Variants in MSX1 observed in about 807,000 individuals in gnomAD.
MSX1 encodes the protein msh homeobox 1.
Under a neutral mutation model 17.0 loss-of-function variants are expected in MSX1, and 11 were observed. The ratio of observed to expected loss-of-function variants is 0.65; its 90% CI spans 0.41 to 1.07. MSX1 has a LOEUF of 1.07. MSX1 is among the 50% of genes least tolerant of loss of function. The pLI is 0.00. For missense variants in MSX1, 477 were observed against 440.1 expected, an observed-to-expected ratio of 1.08 and a Z score of -0.75; for synonymous variants, 253 against 211.8, an observed-to-expected ratio of 1.19 and a Z score of -1.69.
Position 4,860,187 on chromosome 4 carries a change from G to A in MSX1, c.288G>A (p.Leu96=), listed in dbSNP as rs778020930. The change falls in exon 1 of 2, where the codon CTG becomes CTA. Residue 96 remains leucine (L), a synonymous_variant. Transcript: ENST00000382723. ...VQAAGGSAQP[L]GVPPGSLGAP... is the part of the protein sequence containing the mutation. ...CGGCGGGTGGCTCGGCGCAGCCACT[G>A]GGCGTCCCGCCGGGGTCGCTGGGAG... 5 of 1,517,106 alleles carry A rather than the reference G, an allele frequency of 3.3e-6. No homozygotes were observed. The South Asian group carries it at 6.1e-5, about 18-fold the overall frequency. 94.0% of individuals were successfully genotyped at this position (1,517,106 alleles called of 1,614,324 possible).
At position 4,860,015 on chromosome 4, in the gene MSX1, C is replaced by A. The variant is rs1016654970; in HGVS notation, c.116C>A (p.Thr39Lys). 1.3e-6 allele frequency: 2 copies of A among 1,501,206 alleles called. No individual in the cohort carries two copies. Among genetic ancestry groups the A allele is most frequent in the African/African-American group, 2.9e-5 (2 of 68,564 alleles). 93.0% of individuals were successfully genotyped at this position (1,501,206 alleles called of 1,614,324 possible). ...CAGGCCCCCAGCGCCGCCGCGGCCA[C>A]GGCAGCCGCCATGGGCGCGGACGAG... The part of the protein sequence containing the change: ...AGQAPSAAAA[T>K]AAAMGADEEG... The change falls in exon 1 of 2, where the codon ACG becomes AAG. Residue 39 changes from threonine (T) to lysine (K), a missense_variant. Physicochemically the swap from Thr to Lys is moderately conservative, Grantham distance 78. Coordinates refer to ENST00000382723, the MANE Select transcript of MSX1 (RefSeq NM_002448.3).
Position 4,863,359 on chromosome 4 carries a change from T to C in MSX1, c.*216T>C, listed in dbSNP as rs1737969513. 1 of 564,330 alleles carries C rather than the reference T, an allele frequency of 1.8e-6. No individual in the cohort carries two copies. Among genetic ancestry groups the C allele is most frequent in the African/African-American group, 1.9e-5 (1 of 52,786 alleles). 35.0% of individuals were successfully genotyped at this position (564,330 alleles called of 1,614,324 possible). On this transcript the variant is annotated 3_prime_UTR_variant, in exon 2 of 2. Coordinates refer to ENST00000382723, the MANE Select transcript of MSX1 (RefSeq NM_002448.3). ...CCTTAGTACTCTTCTAGCATTTAGA[T>C]CTACACTCTCGAGTTAAAGATGGGG...
Position 4,859,970 on chromosome 4 carries a change from C to A in MSX1, c.71C>A (p.Pro24Gln). 6.7e-7 allele frequency: 1 copy of A among 1,490,260 alleles called. No individual in the cohort carries two copies. 92.3% of individuals were successfully genotyped at this position (1,490,260 alleles called of 1,614,324 possible). A position where few individuals can be genotyped will look rare whatever the true frequency, so the allele number is the denominator to read the frequency against. Reference sequence around the variant, plus strand: ...GTGGAGGACTCCGCCTTCGGCAAGCCGGCGGGGGGAGGCGCGGGCCAGGCC... The same window carrying A: ...GTGGAGGACTCCGCCTTCGGCAAGCAGGCGGGGGGAGGCGCGGGCCAGGCC... ...VKVEDSAFGK[P>Q]AGGGAGQAPS... Residue 24 changes from proline to glutamine, a missense_variant, in exon 1 of 2, where the codon CCG becomes CAG. By Grantham distance (76) the Pro-to-Gln change is moderately conservative. This residue lies in a region of MSX1 where 355 missense variants were observed against 306.1 expected (regional missense o/e 1.16). Coordinates refer to ENST00000382723, the MANE Select transcript of MSX1 (RefSeq NM_002448.3).
intron 1 of MSX1, among the ~76,000 whole-genome samples, chr4:4,861,152 G>T (rs1388982891): frequency 1.3e-5 from 2 of 152,260 alleles, no homozygotes; most frequent in Admixed American, 1.3e-4. Flanking sequence ...CGATTATTTT[G>T]CTCGGCATAA....
intron 1 of MSX1, chr4:4,862,406 C>T (rs1737936599): frequency 1.7e-6 from 1 of 601,990 alleles, no homozygotes; most frequent in East Asian, 3.2e-5. Flanking sequence ...GGTGATTTCA[C>T]ATCTTCCCAG....
chr4:4,862,912 A>G lies in MSX1; in HGVS notation c.681A>G (p.Ala227=). 1.2e-6 allele frequency: 2 copies of G among 1,613,590 alleles called. No individual in the cohort carries two copies. Among genetic ancestry groups the G allele is most frequent in the Non-Finnish European group, 1.7e-6 (2 of 1,179,996 alleles). ...KIWFQNRRAK[A]KRLQEAELEK... ...GGTTCCAGAACCGCCGCGCCAAGGC[A>G]AAGAGACTACAAGAGGCAGAGCTGG... Residue 227 remains alanine (A), a synonymous_variant, in exon 2 of 2, where the codon GCA becomes GCG. Coordinates refer to ENST00000382723, the MANE Select transcript of MSX1 (RefSeq NM_002448.3).
In MSX1 at chr4:4,860,196, G is replaced by A. The variant is rs757688467; in HGVS notation, c.297G>A (p.Pro99=). The change falls in exon 1 of 2, where the codon CCG becomes CCA. Residue 99 remains proline (P), a synonymous_variant. Coordinates refer to ENST00000382723, the MANE Select transcript of MSX1 (RefSeq NM_002448.3). The stretch of plus-strand genomic sequence containing the variant: ...GCTCGGCGCAGCCACTGGGCGTCCC[G>A]CCGGGGTCGCTGGGAGCCCCGGACG... ...AGGSAQPLGV[P]PGSLGAPDAP... 5 of 1,522,580 alleles carry A rather than the reference G, an allele frequency of 3.3e-6. No homozygotes were observed. The highest frequency in any genetic ancestry group is 2.6e-6 in the Non-Finnish European group (3 of 1,141,672). The allele number at this position is 1,522,580 out of a possible 1,614,324, so 94.3% of individuals were successfully genotyped here.
chr4:4,862,744 G>A lies in MSX1; in HGVS notation c.513G>A (p.Thr171=), dbSNP rs1405255802. The A allele has an allele frequency of 1.9e-6, 3 of 1,613,264 alleles. No individual in the cohort carries two copies. The highest frequency in any genetic ancestry group is 2.5e-6 in the Non-Finnish European group (3 of 1,180,026). The change falls in exon 2 of 2, where the codon ACG becomes ACA. Residue 171 remains threonine (T), a synonymous_variant. Transcript: ENST00000382723. Reference sequence around the variant, plus strand: ...CCTGCACCCTCCGCAAACACAAGACGAACCGTAAGCCGCGGACGCCCTTCA... The same window carrying A: ...CCTGCACCCTCCGCAAACACAAGACAAACCGTAAGCCGCGGACGCCCTTCA... ...PPACTLRKHK[T]NRKPRTPFTT...
rs104893854 is a variant in MSX1, at chr4:4,860,357, C to T, written c.458C>T (p.Pro153Leu). ...TGGATGCAGAGCCCCCGCTTCTCCC[C>T]GCCGCCGGCCAGTGAGTAGCCAGAA... Reference protein sequence around the residue: ...TPWMQSPRFSPPPARRLSPPA... With the variant: ...TPWMQSPRFSLPPARRLSPPA... The change falls in exon 1 of 2, where the codon CCG becomes CTG. Residue 153 changes from proline (P) to leucine (L), a missense_variant. Pro to Leu is a moderately conservative substitution (Grantham distance 98, BLOSUM62 -3). Transcript: ENST00000382723. 9 of 1,603,698 alleles carry T rather than the reference C, an allele frequency of 5.6e-6. No homozygotes were observed. Among genetic ancestry groups the T allele is most frequent in the South Asian group, 4.4e-5 (4 of 90,930 alleles).
intron 1 of MSX1, chr4:4,862,354 G>T: frequency 2.1e-6 from 1 of 467,354 alleles, no homozygotes; most frequent in Non-Finnish European, 4.0e-6. Flanking sequence ...CCTGGGAGGA[G>T]GCCCGCCATG....
Position 4,863,425 on chromosome 4 carries a change from C to T in MSX1, c.*282C>T. On this transcript the variant is annotated 3_prime_UTR_variant, in exon 2 of 2. Transcript: ENST00000382723. ...AGGTTAACAGATTTATCTAAGGTCC[C>T]CAGCAGAATTGACAGTTGAACAGAG... 2.3e-6 allele frequency: 1 copy of T among 431,594 alleles called. No individual in the cohort carries two copies. The highest frequency in any genetic ancestry group is 4.2e-5 in the East Asian group (1 of 23,684). 26.7% of individuals were successfully genotyped at this position (431,594 alleles called of 1,614,324 possible).
rs186861426 is a variant in MSX1 at position 4,859,882 on chromosome 4, G to A, written c.-18G>A. 0.066 allele frequency: 96,596 copies of A among 1,469,060 alleles called. 4,087 individuals are homozygous for A. The highest frequency in any genetic ancestry group is 0.13 in the South Asian group (9,869 of 74,226). The allele number at this position is 1,469,060 out of a possible 1,614,324, so 91.0% of individuals were successfully genotyped here. On this transcript the variant is annotated 5_prime_UTR_variant, in exon 1 of 2. Coordinates refer to ENST00000382723, the MANE Select transcript of MSX1 (RefSeq NM_002448.3). Reference sequence around the variant, plus strand: ...GCGGCTGGCCAGTGCTGCGGCAGAAGGGGGGGCCCGGCTCTGCATGGCCCC... The same window carrying A: ...GCGGCTGGCCAGTGCTGCGGCAGAAAGGGGGGCCCGGCTCTGCATGGCCCC...
Position 4,860,189 on chromosome 4 carries a change from G to A in MSX1, c.290G>A (p.Gly97Asp). 6.6e-7 allele frequency: 1 copy of A among 1,517,254 alleles called. No homozygotes were observed. Among genetic ancestry groups the A allele is most frequent in the Non-Finnish European group, 8.8e-7 (1 of 1,139,140 alleles). The allele number at this position is 1,517,254 out of a possible 1,614,324, so 94.0% of individuals were successfully genotyped here. A position where few individuals can be genotyped will look rare whatever the true frequency, so the allele number is the denominator to read the frequency against. The change falls in exon 1 of 2, where the codon GGC (glycine) becomes GAC (aspartate). Residue 97 changes from glycine to aspartate, a missense_variant. Gly to Asp is a moderately conservative substitution (Grantham distance 94). Transcript: ENST00000382723. ...GCGGGTGGCTCGGCGCAGCCACTGG[G>A]CGTCCCGCCGGGGTCGCTGGGAGCC... ...QAAGGSAQPL[G>D]VPPGSLGAPD...
rs28933081 is a variant in MSX1 at position 4,860,264 on chromosome 4, G to T, written c.365G>T (p.Gly122Val). The change falls in exon 1 of 2, where the codon GGA becomes GTA. Residue 122 changes from glycine (G) to valine (V), a missense_variant. This residue lies in a region of MSX1 where 355 missense variants were observed against 306.1 expected (regional missense o/e 1.16). Transcript: ENST00000382723. Reference protein sequence around the residue: ...PRPLGHFSVGGLLKLPEDALV... With the variant: ...PRPLGHFSVGVLLKLPEDALV... ...CCGCTCGGCCATTTCTCGGTGGGGG[G>T]ACTCCTCAAGCTGCCAGAAGATGCG... 180 of 1,593,390 alleles carry T rather than the reference G, an allele frequency of 1.1e-4. No individual in the cohort carries two copies. Among genetic ancestry groups the T allele is most frequent in the Non-Finnish European group, 1.4e-4 (170 of 1,177,430 alleles).
chr4:4,861,155 C>T (rs776626958), intron 1 of MSX1, among the ~76,000 whole-genome samples: 1 of 152,246 alleles, frequency 6.6e-6, no homozygotes, highest in Non-Finnish European at 1.5e-5. Flanking sequence ...TTATTTTGCT[C>T]GGCATAATAG....
At position 4,863,397 on chromosome 4, in the gene MSX1, G is replaced by A; in HGVS notation, c.*254G>A. 1 of 519,020 alleles carries A rather than the reference G, an allele frequency of 1.9e-6. No individual in the cohort carries two copies. The allele number at this position is 519,020 out of a possible 1,614,324, so 32.2% of individuals were successfully genotyped here. On this transcript the variant is annotated 3_prime_UTR_variant, in exon 2 of 2. Transcript: ENST00000382723. Reference sequence around the variant, plus strand: ...GTTAAAGATGGGGAAACTGAGGGCAGAGAGGTTAACAGATTTATCTAAGGT... The same window carrying A: ...GTTAAAGATGGGGAAACTGAGGGCAAAGAGGTTAACAGATTTATCTAAGGT...
chr4:4,862,290 C>CCT (rs973409461), intron 1 of MSX1: 1 of 362,624 alleles, frequency 2.8e-6, no homozygotes, highest in Non-Finnish European at 5.3e-6. Flanking sequence ...GGGCGCAGGG[C>CCT]CTCTTTCTGC....
In MSX1 at chr4:4,860,111, G is replaced by A; in HGVS notation, c.212G>A (p.Arg71Lys). The A allele has an allele frequency of 1.3e-6, 2 of 1,516,840 alleles. No individual in the cohort carries two copies. Among genetic ancestry groups the A allele is most frequent in the Non-Finnish European group, 1.8e-6 (2 of 1,136,642 alleles). The allele number at this position is 1,516,840 out of a possible 1,614,324, so 94.0% of individuals were successfully genotyped here. The change falls in exon 1 of 2, where the codon AGG (arginine) becomes AAG (lysine). Residue 71 changes from arginine to lysine, a missense_variant. Arg to Lys is a conservative substitution (Grantham distance 26, BLOSUM62 2). Coordinates refer to ENST00000382723, the MANE Select transcript of MSX1 (RefSeq NM_002448.3). ...GTGGAGGCGCTCATGGCCGACCACA[G>A]GAAGCCGGGGGCCAAGGAGAGCGCC... is the stretch of plus-strand genomic sequence containing the variant. ...FSVEALMADH[R>K]KPGAKESALA...
rs2108778678 is a variant in MSX1 at position 4,862,902 on chromosome 4, G to A, written c.671G>A (p.Arg224His). Residue 224 changes from arginine (R) to histidine (H), a missense_variant, in exon 2 of 2, where the codon CGC (arginine) becomes CAC (histidine). Physicochemically the swap from Arg to His is conservative, Grantham distance 29. Coordinates refer to ENST00000382723, the MANE Select transcript of MSX1 (RefSeq NM_002448.3). ...GTGAAGATATGGTTCCAGAACCGCC[G>A]CGCCAAGGCAAAGAGACTACAAGAG... The part of the protein sequence containing the change: ...TQVKIWFQNR[R>H]AKAKRLQEAE... 1 of 1,613,628 alleles carries A rather than the reference G, an allele frequency of 6.2e-7. No homozygotes were observed. Among genetic ancestry groups the A allele is most frequent in the African/African-American group, 1.3e-5 (1 of 75,074 alleles).
Sources: gnomAD v4.1 joint callset for allele counts (sites outside exome capture counted in the v4.1 genomes callset) on GRCh38, gnomAD v4.1.1 for gene constraint, gnomAD v4.1.1 regional missense constraint, MANE v1.5 for transcripts, NCBI Gene and HGNC (gene_info 2026-07-23, HGNC 2026-07-21) for gene names.